LSAMP: variants seen among roughly 807,000 people sequenced by gnomAD.
LSAMP encodes the protein limbic system-associated membrane protein.
LSAMP carries 7 observed loss-of-function variants against 38.6 expected under a neutral mutation model. That is an observed-to-expected ratio of 0.18 (90% CI 0.10 to 0.34). The LOEUF is 0.34. LSAMP is among the 10% of genes least tolerant of loss of function. The probability of loss-of-function intolerance (pLI) is 1.00; values close to 1 mark genes in which losing one functional copy is unlikely to be tolerated. For synonymous variants in LSAMP, 154 were observed against 166.8 expected, an observed-to-expected ratio of 0.92 and a Z score of 0.59; for missense variants, 313 against 420.0, an observed-to-expected ratio of 0.75 and a Z score of 2.23.
intron 3 of LSAMP, among the ~76,000 whole-genome samples, chr3:115,852,820 A>C (rs936439121): frequency 3.9e-5 from 6 of 152,202 alleles, no homozygotes; most frequent in Admixed American, 3.9e-4. Context: ...TCTCAGGAAA[A>C]ACCAGAAAGA....
At chr3:115,979,468 A>G (rs897431248) in intron 3 of LSAMP, among the ~76,000 whole-genome samples, 1 of 152,178 alleles carries the variant, frequency 6.6e-6, no homozygotes, top group Admixed American at 6.6e-5. Flanking sequence ...AGAGTTAGAT[A>G]CAAGTATTGC....
intron 1 of LSAMP, among the ~76,000 whole-genome samples, chr3:116,338,315 C>T (rs1386400311): frequency 6.6e-6 from 1 of 151,908 alleles, no homozygotes; most frequent in Non-Finnish European, 1.5e-5. Context: ...AACTGCAGGA[C>T]AATTTCCTTA....
intron 3 of LSAMP, among the ~76,000 whole-genome samples, chr3:115,975,571 T>C (rs1418173043): frequency 6.6e-6 from 1 of 152,126 alleles, no homozygotes; most frequent in Admixed American, 6.5e-5. Context: ...GAGATTATAG[T>C]TTGGGGATGG....
chr3:116,114,248 G>C (rs1400003721), intron 1 of LSAMP, among the ~76,000 whole-genome samples: 2 of 152,116 alleles, frequency 1.3e-5, no homozygotes, highest in Non-Finnish European at 2.9e-5. Flanking sequence ...TATTGCAAGA[G>C]CCTGAGTAAG....
chr3:116,006,768 T>C (rs1940172397), intron 3 of LSAMP, among the ~76,000 whole-genome samples: 1 of 152,236 alleles, frequency 6.6e-6, no homozygotes, highest in African/African-American at 2.4e-5. Context: ...ATCATCAGAA[T>C]GACTTTTGTT....
At chr3:115,880,484 A>C (rs1051682277) in intron 3 of LSAMP, among the ~76,000 whole-genome samples, 3 of 152,154 alleles carry the variant, frequency 2.0e-5, no homozygotes, top group African/African-American at 7.2e-5. Context: ...ATATTTGACA[A>C]CCAAATTTTC....
At chr3:116,263,166 G>A (rs2046848203) in intron 1 of LSAMP, among the ~76,000 whole-genome samples, 1 of 152,164 alleles carries the variant, frequency 6.6e-6, no homozygotes, top group African/African-American at 2.4e-5. Flanking sequence ...AACAAAGAAT[G>A]TAATCAGGAC....
At chr3:116,009,050 CTA>C (rs1940248574) in intron 3 of LSAMP, among the ~76,000 whole-genome samples, 1 of 152,168 alleles carries the variant, frequency 6.6e-6, no homozygotes, top group African/African-American at 2.4e-5. Context: ...TTTCTCAAAA[CTA>C]TTATTATTTT....
At chr3:116,424,100 T>C (rs1350839371) in intron 1 of LSAMP, among the ~76,000 whole-genome samples, 1 of 152,188 alleles carries the variant, frequency 6.6e-6, no homozygotes, top group African/African-American at 2.4e-5. Flanking sequence ...CTGTGGCCCT[T>C]TGACTTCAAT....
At chr3:116,400,143 G>C (rs2048819124) in intron 1 of LSAMP, among the ~76,000 whole-genome samples, 1 of 152,100 alleles carries the variant, frequency 6.6e-6, no homozygotes, top group Admixed American at 6.5e-5. Flanking sequence ...TATATACCAG[G>C]AGGAGCTAGC....
At chr3:116,007,796 T>C (rs1940204706) in intron 3 of LSAMP, among the ~76,000 whole-genome samples, 1 of 152,104 alleles carries the variant, frequency 6.6e-6, no homozygotes, top group South Asian at 2.1e-4. Context: ...CAAAAAGAAG[T>C]GTTTTCTCTA....
intron 2 of LSAMP, among the ~76,000 whole-genome samples, chr3:116,025,199 A>G (rs1940756864): frequency 6.6e-6 from 1 of 152,104 alleles, no homozygotes; most frequent in South Asian, 2.1e-4. Flanking sequence ...TTTACAGAAT[A>G]TTAGTGTGAT....
chr3:115,902,251 A>G (rs1250206090), intron 3 of LSAMP, among the ~76,000 whole-genome samples: 2 of 152,080 alleles, frequency 1.3e-5, no homozygotes, highest in African/African-American at 4.8e-5. Context: ...TCTATAATAA[A>G]CTCACTGAAA....
At chr3:116,049,654 T>A (rs1032941713) in intron 2 of LSAMP, among the ~76,000 whole-genome samples, 2 of 152,220 alleles carry the variant, frequency 1.3e-5, no homozygotes, top group Non-Finnish European at 2.9e-5. Context: ...TACCCATATG[T>A]TCCTGGATCA....
chr3:116,421,340 C>T (rs1015557563), intron 1 of LSAMP, among the ~76,000 whole-genome samples: 6 of 151,880 alleles, frequency 4.0e-5, no homozygotes, highest in East Asian at 3.9e-4. Flanking sequence ...GAGGCTGAGG[C>T]GGGTGGATCA....
At chr3:115,986,905 A>T (rs940574333) in intron 3 of LSAMP, among the ~76,000 whole-genome samples, 13 of 152,124 alleles carry the variant, frequency 8.5e-5, no homozygotes, top group Admixed American at 3.3e-4. Context: ...TATTAGGCAT[A>T]TATGTGATGA....
intron 3 of LSAMP, among the ~76,000 whole-genome samples, chr3:115,963,916 G>A (rs1026256412): frequency 1.3e-5 from 2 of 151,888 alleles, no homozygotes; most frequent in Admixed American, 6.6e-5. Flanking sequence ...ACCACACCTG[G>A]CTATTTTTTT....
chr3:116,176,091 G>A (rs772017561), intron 1 of LSAMP, among the ~76,000 whole-genome samples: 6 of 151,964 alleles, frequency 3.9e-5, no homozygotes, highest in Admixed American at 2.0e-4. Flanking sequence ...GACAGAGCTT[G>A]GCATGAGGCT....
intron 3 of LSAMP, among the ~76,000 whole-genome samples, chr3:115,966,910 C>T (rs905926960): frequency 2.6e-5 from 4 of 152,084 alleles, no homozygotes; most frequent in Admixed American, 2.6e-4. Context: ...TCTGTTTATG[C>T]CCCTCCCTGG....
Sources: allele counts gnomAD v4.1 joint callset (sites outside exome capture counted in the v4.1 genomes callset), GRCh38; gene constraint gnomAD v4.1.1; transcripts MANE v1.5; gene names NCBI Gene and HGNC (gene_info 2026-07-23, HGNC 2026-07-21).